The following CCDC12 variants were observed in gnomAD, a reference collection of about 807,000 sequenced individuals.
The protein encoded by CCDC12 is coiled-coil domain containing 12, also known as coiled-coil domain-containing protein 12.
Under a neutral mutation model 25.7 loss-of-function variants are expected in CCDC12, and 28 were observed. The ratio of observed to expected loss-of-function variants is 1.09; its 90% CI spans 0.81 to 1.50. CCDC12 has a LOEUF of 1.50. CCDC12 is among the 40% of genes most tolerant of loss of function. The probability of loss-of-function intolerance (pLI) is 0.00; values close to 1 mark genes in which losing one functional copy is unlikely to be tolerated. For missense variants in CCDC12, 198 were observed against 210.0 expected (o/e 0.94, Z 0.35); for synonymous variants, 75 against 87.7 (o/e 0.86, Z 0.81).
chr3:46,956,546 G>T (rs984338330), intron 1 of CCDC12, among the ~76,000 whole-genome samples: 2 of 152,222 alleles, frequency 1.3e-5, no homozygotes, highest in Non-Finnish European at 2.9e-5. Context: ...AAGGGGCTAG[G>T]CTCAGTAGCT....
intron 4 of CCDC12, 48 bp from the exon 5 acceptor site, chr3:46,923,411 C>A: frequency 6.4e-7 from 1 of 1,553,276 alleles, no homozygotes; most frequent in African/African-American, 1.4e-5. Flanking sequence ...CACCCCAGGA[C>A]AAGGGGGAGG....
At chr3:46,979,494 C>T (rs2035147729), upstream of CCDC12, 1 of 170,104 alleles carries the variant, frequency 5.9e-6, no homozygotes, top group African/African-American at 2.4e-5. Flanking sequence ...GTCCCGGAGG[C>T]TCAGGCTGGC....
intron 4 of CCDC12, 36 bp downstream of exon 4, chr3:46,923,571 A>C: frequency 6.3e-7 from 1 of 1,594,552 alleles, no homozygotes; most frequent in Non-Finnish European, 8.5e-7. Flanking sequence ...GGACACACAG[A>C]AGCAGCGAGG....
chr3:46,955,145 T>C (rs2034248201), intron 1 of CCDC12, among the ~76,000 whole-genome samples: 1 of 152,252 alleles, frequency 6.6e-6, no homozygotes, highest in Non-Finnish European at 1.5e-5. Flanking sequence ...GAAGTTCTTC[T>C]TGCTGTTAGC....
chr3:46,959,462 G>A (rs1189068237), intron 1 of CCDC12, among the ~76,000 whole-genome samples: 11 of 152,178 alleles, frequency 7.2e-5, no homozygotes, highest in African/African-American at 2.7e-4. Flanking sequence ...GATGATGGTG[G>A]AGCCTGAGAC....
chr3:46,952,888 T>G (rs1330267339), intron 1 of CCDC12, among the ~76,000 whole-genome samples: 1 of 152,200 alleles, frequency 6.6e-6, no homozygotes, highest in African/African-American at 2.4e-5. Context: ...AGCTAGAGGT[T>G]GCCAGGACGC....
chr3:46,955,933 A>G (rs1341100363), intron 1 of CCDC12, among the ~76,000 whole-genome samples: 1 of 152,214 alleles, frequency 6.6e-6, no homozygotes, highest in African/African-American at 2.4e-5. Context: ...TCTGGCCCCC[A>G]CCAATACCCC....
chr3:46,954,744 T>C (rs1042778545), intron 1 of CCDC12, among the ~76,000 whole-genome samples: 7 of 151,984 alleles, frequency 4.6e-5, no homozygotes, highest in Non-Finnish European at 1.0e-4. Context: ...GCCAACATGG[T>C]GAAACCCCAT....
At chr3:46,951,792 A>ATATATAT (rs1439046255) in intron 1 of CCDC12, among the ~76,000 whole-genome samples, 82 of 24,944 alleles carry the variant, frequency 3.3e-3, no homozygotes, top group Non-Finnish European at 6.1e-3. Context: ...AAAAAAAAAA[A>ATATATAT]AAAAAAATAT....
chr3:46,967,335 T>C (rs977982809), intron 1 of CCDC12, among the ~76,000 whole-genome samples: 1 of 152,080 alleles, frequency 6.6e-6, no homozygotes, highest in South Asian at 2.1e-4. Context: ...CCAACCCCCT[T>C]AGCCTGAGGT....
At chr3:46,979,024 G>A (rs961482361), upstream of CCDC12, among the ~76,000 whole-genome samples, 8 of 152,154 alleles carry the variant, frequency 5.3e-5, no homozygotes, top group African/African-American at 1.7e-4. Context: ...CCCACCTGTT[G>A]AGGTTAAAGA....
chr3:46,922,512 G>T, intron 5 of CCDC12, 200 bp from the exon 6 acceptor site: 1 of 616,810 alleles, frequency 1.6e-6, no homozygotes, highest in Non-Finnish European at 2.9e-6. Context: ...TCCCACTGAG[G>T]CAGGGGGACT....
At chr3:46,976,404 C>G (rs1575569283) in intron 1 of CCDC12, 3 of 1,412,678 alleles carry the variant, frequency 2.1e-6, no homozygotes, top group Non-Finnish European at 1.8e-6. Context: ...TCGCTGACCA[C>G]TGCCTTGCCC....
chr3:46,957,006 C>A (rs2034309891), intron 1 of CCDC12, among the ~76,000 whole-genome samples: 1 of 152,104 alleles, frequency 6.6e-6, no homozygotes, highest in African/African-American at 2.4e-5. Flanking sequence ...TGCCCAGAGC[C>A]CGAGCTCCTC....
At chr3:46,937,834 C>G (rs1172362786) in intron 2 of CCDC12, among the ~76,000 whole-genome samples, 2 of 152,230 alleles carry the variant, frequency 1.3e-5, no homozygotes, top group South Asian at 2.1e-4. Context: ...ATGTTCTAAT[C>G]TGCCTTCCTA....
intron 2 of CCDC12, among the ~76,000 whole-genome samples, chr3:46,929,084 T>A (rs1324968101): frequency 6.6e-6 from 1 of 152,070 alleles, no homozygotes; most frequent in Non-Finnish European, 1.5e-5. Flanking sequence ...GCAACAATAG[T>A]GTAAAAGGCA....
intron 1 of CCDC12, among the ~76,000 whole-genome samples, chr3:46,959,492 G>A (rs2034401057): frequency 6.6e-6 from 1 of 152,130 alleles, no homozygotes; most frequent in Non-Finnish European, 1.5e-5. Context: ...TGTCTTCGGG[G>A]TGAGGCCCTC....
At chr3:46,973,725 G>C (rs2034879464) in intron 1 of CCDC12, among the ~76,000 whole-genome samples, 1 of 148,258 alleles carries the variant, frequency 6.7e-6, no homozygotes, top group Non-Finnish European at 1.5e-5. Flanking sequence ...TCATTCTCCT[G>C]CCTCAGCCTC....
At chr3:46,938,052 C>T (rs1400664652) in intron 2 of CCDC12, among the ~76,000 whole-genome samples, 1 of 152,198 alleles carries the variant, frequency 6.6e-6, no homozygotes, top group East Asian at 1.9e-4. Context: ...AAAAGCCAAG[C>T]TCTCAACGAC....
Sources: gnomAD v4.1 joint callset for allele counts (sites outside exome capture counted in the v4.1 genomes callset) on GRCh38, gnomAD v4.1.1 for gene constraint, MANE v1.5 for transcripts, NCBI Gene and HGNC (gene_info 2026-07-23, HGNC 2026-07-21) for gene names.